The following SRPK2 variants were observed in gnomAD, a reference collection of about 807,000 sequenced individuals.
SRPK2 encodes SRSF protein kinase 2, also known as SFRS protein kinase 2.
In SRPK2, 21 loss-of-function variants were observed where a neutral mutation model predicts 90.8. The ratio of observed to expected loss-of-function variants is 0.23; its 90% CI spans 0.16 to 0.33. SRPK2 has a LOEUF of 0.33. Among genes scored for constraint, SRPK2 ranks in the 10% least tolerant of loss-of-function variants. The probability of loss-of-function intolerance (pLI) is 1.00; values close to 1 mark genes in which losing one functional copy is unlikely to be tolerated. For missense variants in SRPK2, 620 were observed against 869.0 expected (o/e 0.71, Z 3.60); for synonymous variants, 288 against 311.1 (o/e 0.93, Z 0.78).
chr7:105,246,825 C>T (rs1801728751), intron 2 of SRPK2, among the ~76,000 whole-genome samples: 1 of 152,160 alleles, frequency 6.6e-6, no homozygotes, highest in African/African-American at 2.4e-5. Context: ...TTAGTGACAG[C>T]AATCTTTCAC....
rs556569727 is a variant in SRPK2, at chr7:105,327,522, G to A, written c.71+61126C>T. 2.6e-5 allele frequency among the ~76,000 whole-genome samples: 4 copies of A among 152,264 alleles called. No individual in the cohort carries two copies. In the East Asian group the frequency reaches 5.8e-4, roughly 22 times the overall value. On this transcript the variant is annotated intron_variant, in intron 2 of 15. Coordinates refer to ENST00000393651, the MANE Select transcript of SRPK2 (RefSeq NM_182692.3). ...ACCTCTCTCCTCCCTGCCAAGTGCA[G>A]GTGAAGCTTTCCCCTAGCACCTGAT...
Position 105,143,127 on chromosome 7 carries a change from T to C in SRPK2, c.1017A>G (p.Thr339=), listed in dbSNP as rs1311516497. ...EYCPEVKLKT[T]GLEEAAEAET... ...CTGCCTCAGCCGCCTCCTCTAATCCTGTTGTTTTTAGTTTCACCTCTGGGC... is the reference window on the plus strand; with the variant it reads ...CTGCCTCAGCCGCCTCCTCTAATCCCGTTGTTTTTAGTTTCACCTCTGGGC... The change falls in exon 10 of 16, where the codon ACA becomes ACG. Residue 339 remains threonine, a synonymous_variant. Coordinates refer to ENST00000393651, the MANE Select transcript of SRPK2 (RefSeq NM_182692.3). The C allele has an allele frequency of 1.2e-6, 2 of 1,614,030 alleles. No homozygotes were observed. The highest frequency in any genetic ancestry group is 8.5e-7 in the Non-Finnish European group (1 of 1,180,034).
chr7:105,294,527 G>A (rs1809524630), intron 2 of SRPK2, among the ~76,000 whole-genome samples: 1 of 151,488 alleles, frequency 6.6e-6, no homozygotes, highest in Non-Finnish European at 1.5e-5. Flanking sequence ...GTTTTGTTTT[G>A]TTTTGTTTTG....
intron 2 of SRPK2, among the ~76,000 whole-genome samples, chr7:105,312,051 C>T (rs1811763600): frequency 6.6e-6 from 1 of 152,148 alleles, no homozygotes; most frequent in Non-Finnish European, 1.5e-5. Context: ...AATGCTACAA[C>T]ATGGATGGAC....
intron 2 of SRPK2, among the ~76,000 whole-genome samples, chr7:105,348,585 G>A (rs1341059793): frequency 6.6e-6 from 1 of 151,584 alleles, no homozygotes; most frequent in African/African-American, 2.4e-5. Flanking sequence ...CATCATGCCG[G>A]ACTAATTTTT....
intron 2 of SRPK2, among the ~76,000 whole-genome samples, chr7:105,300,122 G>A (rs189806580): frequency 2.8e-4 from 42 of 151,458 alleles, no homozygotes; most frequent in Admixed American, 9.2e-4. Flanking sequence ...AATACATGGC[G>A]TGCATCTGTA....
intron 2 of SRPK2, among the ~76,000 whole-genome samples, chr7:105,288,754 C>T (rs1808526415): frequency 1.3e-5 from 2 of 152,034 alleles, no homozygotes. Context: ...GATAAAAACT[C>T]CAAGTCTATA....
chr7:105,182,264 T>A (rs1792966064), intron 3 of SRPK2, among the ~76,000 whole-genome samples: 1 of 147,172 alleles, frequency 6.8e-6, no homozygotes, highest in Admixed American at 6.8e-5. Flanking sequence ...TTCAACCGTA[T>A]ACTCTAACAG....
At chr7:105,290,975 T>A (rs943618415) in intron 2 of SRPK2, among the ~76,000 whole-genome samples, 2 of 145,826 alleles carry the variant, frequency 1.4e-5, no homozygotes, top group African/African-American at 5.1e-5. Context: ...GAAGCGGAGC[T>A]TGCAGTGAGC....
At chr7:105,215,945 A>G (rs1441655373) in intron 2 of SRPK2, among the ~76,000 whole-genome samples, 1 of 152,068 alleles carries the variant, frequency 6.6e-6, no homozygotes, top group Non-Finnish European at 1.5e-5. Flanking sequence ...TGTCCCAGCT[A>G]CTGTGCAGGC....
intron 9 of SRPK2, among the ~76,000 whole-genome samples, chr7:105,144,835 G>A (rs1804325093): frequency 6.6e-6 from 1 of 152,144 alleles, no homozygotes; most frequent in African/African-American, 2.4e-5. Flanking sequence ...GGCTGGGCGT[G>A]GTGGTTCAAA....
At chr7:105,299,082 A>G in intron 2 of SRPK2, among the ~76,000 whole-genome samples, 1 of 152,192 alleles carries the variant, frequency 6.6e-6, no homozygotes, top group African/African-American at 2.4e-5. Flanking sequence ...TTGCCCTAAC[A>G]GGACTGGCTG....
intron 3 of SRPK2, among the ~76,000 whole-genome samples, chr7:105,194,282 T>C (rs1490547053): frequency 2.0e-5 from 3 of 152,126 alleles, no homozygotes; most frequent in Non-Finnish European, 4.4e-5. Context: ...AAACTACATA[T>C]TCACTGTAAG....
intron 2 of SRPK2, among the ~76,000 whole-genome samples, chr7:105,224,815 C>T (rs746924994): frequency 3.5e-4 from 53 of 152,238 alleles, no homozygotes; most frequent in Admixed American, 8.5e-4. Context: ...TTAGTACATT[C>T]AGTTAGTATT....
chr7:105,303,864 C>T (rs1159610543), intron 2 of SRPK2, among the ~76,000 whole-genome samples: 3 of 152,090 alleles, frequency 2.0e-5, no homozygotes, highest in Admixed American at 6.5e-5. Flanking sequence ...CTAGTGAAAA[C>T]GTTTGGAAGA....
chr7:105,205,783 C>T (rs1796157692), intron 2 of SRPK2, among the ~76,000 whole-genome samples: 2 of 152,124 alleles, frequency 1.3e-5, no homozygotes, highest in South Asian at 4.1e-4. Flanking sequence ...TTTGAGATGA[C>T]GTCCAAAAGA....
intron 2 of SRPK2, among the ~76,000 whole-genome samples, chr7:105,258,715 C>G (rs771348395): frequency 1.5e-4 from 23 of 152,174 alleles, no homozygotes; most frequent in Non-Finnish European, 2.2e-4. Context: ...CCCTGGGATG[C>G]AAGGCTGGTT....
chr7:105,301,435 C>G, intron 2 of SRPK2: 1 of 735,336 alleles, frequency 1.4e-6, no homozygotes, highest in South Asian at 1.5e-5. Context: ...CAAAGGGGGT[C>G]GCCGGGCCTC....
chr7:105,285,247 G>A (rs941322287), intron 2 of SRPK2, among the ~76,000 whole-genome samples: 1 of 151,924 alleles, frequency 6.6e-6, no homozygotes, highest in African/African-American at 2.4e-5. Flanking sequence ...TTAGCTGGGT[G>A]TGGTGATGCA....
Sources: allele counts gnomAD v4.1 joint callset (sites outside exome capture counted in the v4.1 genomes callset), GRCh38; gene constraint gnomAD v4.1.1; transcripts MANE v1.5; gene names NCBI Gene and HGNC (gene_info 2026-07-23, HGNC 2026-07-21).